CMTM7: variants seen among roughly 807,000 people sequenced by gnomAD.
CMTM7 encodes the protein CKLF like MARVEL transmembrane domain containing 7.
In CMTM7, 7 loss-of-function variants were observed where a neutral mutation model predicts 19.3. That is an observed-to-expected ratio of 0.36 (90% CI 0.21 to 0.68). CMTM7 has a LOEUF of 0.68. Among genes scored for constraint, CMTM7 ranks in the 30% least tolerant of loss-of-function variants. The probability of loss-of-function intolerance (pLI) is 0.60; values close to 1 mark genes in which losing one functional copy is unlikely to be tolerated. For synonymous variants in CMTM7, 87 were observed against 99.3 expected (o/e 0.88, Z 0.74); for missense variants, 193 against 232.6 (o/e 0.83, Z 1.11).
At chr3:32,436,262 G>C (rs1696595899) in intron 1 of CMTM7, among the ~76,000 whole-genome samples, 2 of 152,228 alleles carry the variant, frequency 1.3e-5, no homozygotes, top group South Asian at 4.1e-4. Context: ...ACAGGACCTA[G>C]AGGAAGCCAT....
At chr3:32,440,133 G>T (rs939157819) in intron 1 of CMTM7, among the ~76,000 whole-genome samples, 1 of 151,756 alleles carries the variant, frequency 6.6e-6, no homozygotes, top group African/African-American at 2.4e-5. Context: ...CTGGCCAGGC[G>T]TGGTGGCTCA....
At chr3:32,399,231 A>G (rs1575107582) in intron 1 of CMTM7, among the ~76,000 whole-genome samples, 6 of 150,044 alleles carry the variant, frequency 4.0e-5, no homozygotes, top group Admixed American at 4.0e-4. Flanking sequence ...ACCGCCCCCT[A>G]GGGGTTATTT....
rs3081435 is a variant in CMTM7, at chr3:32,412,480, G to GACACAC, written c.159+20470_159+20475dup. Among the ~76,000 whole-genome samples, 687 of 120,390 alleles carry GACACAC rather than the reference G, an allele frequency of 5.7e-3. 6 individuals carry two copies. Among genetic ancestry groups the GACACAC allele is most frequent in the African/African-American group, 6.6e-3 (190 of 28,962 alleles). The allele number at this position is 120,390 out of a possible 152,430, so 79.0% of individuals were successfully genotyped here. A position where few individuals can be genotyped will look rare whatever the true frequency, so the allele number is the denominator to read the frequency against. Reference sequence around the variant, plus strand: ...CCAGCCTGGGCAACAGATTGAGACTGACACACACACACACACACACACACA... The same window carrying GACACAC: ...CCAGCCTGGGCAACAGATTGAGACTGACACACACACACACACACACACACACACACA... On this transcript the variant is annotated intron_variant, in intron 1 of 4. Coordinates refer to ENST00000334983, the MANE Select transcript of CMTM7 (RefSeq NM_138410.4).
At chr3:32,403,587 C>G (rs1229162889) in intron 1 of CMTM7, among the ~76,000 whole-genome samples, 1 of 152,076 alleles carries the variant, frequency 6.6e-6, no homozygotes, top group African/African-American at 2.4e-5. Flanking sequence ...TATCATTATC[C>G]CCAACTCATC....
At chr3:32,440,828 A>G (rs984714357) in intron 1 of CMTM7, among the ~76,000 whole-genome samples, 6 of 152,246 alleles carry the variant, frequency 3.9e-5, no homozygotes, top group African/African-American at 1.4e-4. Context: ...CTAAGATTTT[A>G]CACACATTGA....
intron 4 of CMTM7, among the ~76,000 whole-genome samples, chr3:32,453,920 A>C (rs1262047520): frequency 2.0e-5 from 3 of 152,198 alleles, no homozygotes; most frequent in Non-Finnish European, 4.4e-5. Flanking sequence ...AACAGGATAA[A>C]TCTATAAATA....
rs201646469 is a variant in CMTM7 at position 32,426,817 on chromosome 3, AT to A, written c.160-15015del. Among the ~76,000 whole-genome samples, 621 of 152,074 alleles carry A rather than the reference AT, an allele frequency of 4.1e-3. 5 individuals carry two copies. Among genetic ancestry groups the A allele is most frequent in the African/African-American group, 0.013 (534 of 41,508 alleles). On this transcript the variant is annotated intron_variant, in intron 1 of 4. Transcript: ENST00000334983. The stretch of plus-strand genomic sequence containing the variant: ...GAAGTTATTGGTTCAAAGGATATGC[AT>A]TTTTTTTAGATTATTTGATAATTTA...
chr3:32,420,957 C>G (rs1430807520), intron 1 of CMTM7, among the ~76,000 whole-genome samples: 1 of 152,096 alleles, frequency 6.6e-6, no homozygotes, highest in Non-Finnish European at 1.5e-5. Flanking sequence ...TTTTGTTGGT[C>G]TCACCGGCTG....
At chr3:32,397,115 T>C (rs1467102186) in intron 1 of CMTM7, among the ~76,000 whole-genome samples, 1 of 152,136 alleles carries the variant, frequency 6.6e-6, no homozygotes, top group Non-Finnish European at 1.5e-5. Context: ...TTGTAGAGTA[T>C]AGTGAAGTCA....
intron 1 of CMTM7, among the ~76,000 whole-genome samples, chr3:32,406,371 T>C (rs1041170772): frequency 3.3e-5 from 5 of 152,216 alleles, no homozygotes; most frequent in Non-Finnish European, 7.3e-5. Flanking sequence ...CTCCTGGAAG[T>C]AGAGGACCTG....
At chr3:32,408,120 C>T (rs1023510216) in intron 1 of CMTM7, among the ~76,000 whole-genome samples, 7 of 152,182 alleles carry the variant, frequency 4.6e-5, no homozygotes, top group African/African-American at 9.6e-5. Context: ...CAGAGAGTGG[C>T]GATGCGTCAA....
At chr3:32,423,753 C>T (rs1186840255) in intron 1 of CMTM7, among the ~76,000 whole-genome samples, 1 of 152,212 alleles carries the variant, frequency 6.6e-6, no homozygotes, top group Non-Finnish European at 1.5e-5. Context: ...TAACAAGCTT[C>T]TCAGAGGTGA....
chr3:32,424,657 T>TG (rs1696400885), intron 1 of CMTM7, among the ~76,000 whole-genome samples: 1 of 148,336 alleles, frequency 6.7e-6, no homozygotes, highest in African/African-American at 2.5e-5. Context: ...TTTTTGCGGC[T>TG]GGGGGGATAC....
chr3:32,430,167 G>A (rs548053024), intron 1 of CMTM7, among the ~76,000 whole-genome samples: 1 of 152,142 alleles, frequency 6.6e-6, no homozygotes, highest in African/African-American at 2.4e-5. Context: ...AGCCATCACT[G>A]TAATCCAATT....
At chr3:32,421,773 A>G (rs1035590664) in intron 1 of CMTM7, among the ~76,000 whole-genome samples, 32 of 152,164 alleles carry the variant, frequency 2.1e-4, no homozygotes, top group African/African-American at 7.7e-4. Flanking sequence ...CTCAAACATT[A>G]TCCTATTTGT....
intron 1 of CMTM7, among the ~76,000 whole-genome samples, chr3:32,419,951 ATC>A (rs899864192): frequency 4.2e-4 from 64 of 152,126 alleles, no homozygotes; most frequent in Admixed American, 1.2e-3. Context: ...TTTTGGGTTT[ATC>A]TGTTTCTCCT....
chr3:32,401,536 G>A (rs990620527), intron 1 of CMTM7, among the ~76,000 whole-genome samples: 7 of 152,234 alleles, frequency 4.6e-5, no homozygotes, highest in African/African-American at 1.4e-4. Context: ...TCCCTGTGTG[G>A]GCCGGTGTAT....
intron 1 of CMTM7, among the ~76,000 whole-genome samples, chr3:32,437,280 G>A (rs998128276): frequency 2.0e-5 from 3 of 151,976 alleles, no homozygotes; most frequent in Non-Finnish European, 4.4e-5. Flanking sequence ...TTGAGTTGAG[G>A]GCTCTTGCAG....
At chr3:32,407,281 A>G (rs1437868095) in intron 1 of CMTM7, among the ~76,000 whole-genome samples, 2 of 152,324 alleles carry the variant, frequency 1.3e-5, no homozygotes, top group Admixed American at 6.5e-5. Context: ...GCTGCCTTAC[A>G]GATCTCATAA....
Sources: allele counts gnomAD v4.1 joint callset (sites outside exome capture counted in the v4.1 genomes callset), GRCh38; gene constraint gnomAD v4.1.1; transcripts MANE v1.5; gene names NCBI Gene and HGNC (gene_info 2026-07-23, HGNC 2026-07-21).